The following DEAF1 variants were observed in gnomAD, a reference collection of about 807,000 sequenced individuals.
DEAF1 encodes the protein DEAF1 transcription factor.
A neutral mutation model predicts 58.9 loss-of-function variants in DEAF1; 53 were observed. That is an observed-to-expected ratio of 0.90 (90% confidence interval 0.72 to 1.13). The LOEUF is 1.13. Among genes scored for constraint, DEAF1 ranks in the 50% most tolerant of loss-of-function variants. The pLI is 0.00. For missense variants in DEAF1, 685 were observed against 791.4 expected, an observed-to-expected ratio of 0.87 and a Z score of 1.61; for synonymous variants, 385 against 340.4, an observed-to-expected ratio of 1.13 and a Z score of -1.44.
Position 688,375 on chromosome 11 carries a change from A to C in DEAF1, c.473T>G (p.Val158Gly). Reference protein sequence around the residue: ...LIVVHTDGSIVETTGLKGPAA... With the variant: ...LIVVHTDGSIGETTGLKGPAA... The stretch of plus-strand genomic sequence containing the variant: ...CGGGCCTTTCAGCCCGGTGGTCTCC[A>C]CGATGCTCCCATCTGTGTGGACGAC... Residue 158 changes from valine (V) to glycine (G), a missense_variant, in exon 3 of 12, where the codon GTG becomes GGG. Physicochemically the swap from Val to Gly is moderately radical, Grantham distance 109. Transcript: ENST00000382409. This position sits in a 1 kb window ranked among gnomAD's most constrained non-coding sequence, Gnocchi z 4.3. 1 of 1,613,928 alleles carries C rather than the reference A, an allele frequency of 6.2e-7. No individual in the cohort carries two copies. The highest frequency in any genetic ancestry group is 2.2e-5 in the East Asian group (1 of 44,886).
At chr11:681,613 T>C (rs1439387478) in intron 6 of DEAF1, among the ~76,000 whole-genome samples, 7 of 152,108 alleles carry the variant, frequency 4.6e-5, no homozygotes, top group African/African-American at 7.2e-5. Context: ...GGTTTCACCA[T>C]GGTAGCCAGG....
chr11:678,803 C>T lies in DEAF1; in HGVS notation c.1146G>A (p.Gln382=). 1.2e-6 allele frequency: 2 copies of T among 1,614,082 alleles called. No individual in the cohort carries two copies. Among genetic ancestry groups the T allele is most frequent in the Non-Finnish European group, 1.7e-6 (2 of 1,179,992 alleles). The change falls in exon 9 of 12, where the codon CAG becomes CAA. Residue 382 remains glutamine, a synonymous_variant. Transcript: ENST00000382409. ...AGATVQEASV[Q]PPCRASHPEP... ...CAGGGTGGCTGGCCCTGCATGGGGG[C>T]TGCACGCTGGCCTCTTGGACTGTTG...
At chr11:658,719 C>T (rs1389508062) in intron 10 of DEAF1, among the ~76,000 whole-genome samples, 1 of 152,394 alleles carries the variant, frequency 6.6e-6, no homozygotes, top group East Asian at 1.9e-4. Flanking sequence ...GCAGAGCACC[C>T]TGCGGGGAGT....
upstream of DEAF1, chr11:695,858 CG>C: frequency 8.1e-7 from 1 of 1,228,182 alleles, no homozygotes; most frequent in South Asian, 4.0e-5. Context: ...TGAGCTCGGG[CG>C]GGGTGGGGGC....
chr11:657,832 A>G (rs529967158), intron 10 of DEAF1, among the ~76,000 whole-genome samples: 42 of 152,290 alleles, frequency 2.8e-4, no homozygotes, highest in African/African-American at 9.9e-4. Context: ...CATGGAAGAC[A>G]AGGAAAGACT....
Position 688,437 on chromosome 11 carries a change from G to C in DEAF1, c.411C>G (p.Ile137Met). The change falls in exon 3 of 12, where the codon ATC (isoleucine) becomes ATG (methionine). Residue 137 changes from isoleucine to methionine, a missense_variant. By Grantham distance (10) the Ile-to-Met change is conservative. Coordinates refer to ENST00000382409, the MANE Select transcript of DEAF1 (RefSeq NM_021008.4). The surrounding 1 kb of genome is among the most constrained non-coding windows in gnomAD (Gnocchi z 4.3). ...HVLSGRTALQIGDSLNTEKAT... is the reference protein window; with the variant it reads ...HVLSGRTALQMGDSLNTEKAT... ...CTTTTTCGGTGTTCAGGCTGTCCCC[G>C]ATCTGAAGGGCCGTCCTACCAGACT... 6.2e-7 allele frequency: 1 copy of C among 1,613,712 alleles called. No individual in the cohort carries two copies. Among genetic ancestry groups the C allele is most frequent in the Non-Finnish European group, 8.5e-7 (1 of 1,179,986 alleles).
Position 688,594 on chromosome 11 carries a change from A to G in DEAF1, c.388-134T>C. On this transcript the variant is annotated intron_variant, in intron 2 of 11. Coordinates refer to ENST00000382409, the MANE Select transcript of DEAF1 (RefSeq NM_021008.4). This position sits in a 1 kb window ranked among gnomAD's most constrained non-coding sequence, Gnocchi z 4.3. Reference sequence around the variant, plus strand: ...GAAGGGACGCTCACCTAGGCACCCCATATCTTTTCCAAAGATACCTCTCAA... The same window carrying G: ...GAAGGGACGCTCACCTAGGCACCCCGTATCTTTTCCAAAGATACCTCTCAA... 9.6e-6 allele frequency: 10 copies of G among 1,042,048 alleles called. No homozygotes were observed. The South Asian group carries it at 1.2e-4, about 12-fold the overall frequency. 64.6% of individuals were successfully genotyped at this position (1,042,048 alleles called of 1,614,324 possible). A position where few individuals can be genotyped will look rare whatever the true frequency, so the allele number is the denominator to read the frequency against.
intron 7 of DEAF1, among the ~76,000 whole-genome samples, chr11:680,389 T>G (rs1860299510): frequency 6.6e-6 from 1 of 152,206 alleles, no homozygotes; most frequent in African/African-American, 2.4e-5. Context: ...AACAAAAGCC[T>G]ATTACAAAGA....
intron 10 of DEAF1, among the ~76,000 whole-genome samples, chr11:669,786 T>C (rs1293139693): frequency 6.6e-6 from 1 of 151,578 alleles, no homozygotes; most frequent in Non-Finnish European, 1.5e-5. Flanking sequence ...AAAAATTAGC[T>C]GGGCATGGTG....
rs1860518283 is a variant in DEAF1 at position 684,780 on chromosome 11, G to A, written c.870+118C>T. ...GCAACCCAGGAGAAGTGAGGACAGT[G>A]TCTCTCTCCAAGGCAGAGGGCAGGA... On this transcript the variant is annotated intron_variant, in intron 6 of 11. Coordinates refer to ENST00000382409, the MANE Select transcript of DEAF1 (RefSeq NM_021008.4). 9 of 859,936 alleles carry A rather than the reference G, an allele frequency of 1.0e-5. No homozygotes were observed. In the Admixed American group the frequency reaches 1.8e-4, roughly 17 times the overall value. 53.3% of individuals were successfully genotyped at this position (859,936 alleles called of 1,614,324 possible). A position where few individuals can be genotyped will look rare whatever the true frequency, so the allele number is the denominator to read the frequency against.
At chr11:661,484 T>C (rs1028449901) in intron 10 of DEAF1, among the ~76,000 whole-genome samples, 10 of 151,070 alleles carry the variant, frequency 6.6e-5, no homozygotes, top group Non-Finnish European at 1.3e-4. Context: ...CCGAGACAGG[T>C]GGATCACCGG....
intron 1 of DEAF1, chr11:700,636 A>G: frequency 6.2e-7 from 1 of 1,613,780 alleles, no homozygotes; most frequent in Non-Finnish European, 8.5e-7. Flanking sequence ...AGCTATCCTC[A>G]CCGCTACCTG....
chr11:682,887 G>T (rs974309885), intron 6 of DEAF1, among the ~76,000 whole-genome samples: 1 of 152,160 alleles, frequency 6.6e-6, no homozygotes, highest in Non-Finnish European at 1.5e-5. Context: ...GCCCCTCCCA[G>T]TGAGATACCA....
intron 1 of DEAF1, chr11:701,040 C>T: frequency 7.7e-6 from 3 of 390,478 alleles, no homozygotes; most frequent in South Asian, 7.5e-5. Flanking sequence ...GCACCCCTTT[C>T]CTTCCCCTTG....
chr11:650,836 G>A (rs75163677), intron 11 of DEAF1, among the ~76,000 whole-genome samples: 12,783 of 152,082 alleles, frequency 0.084, 659 homozygotes, highest in Admixed American at 0.18. Flanking sequence ...TATCTGTAGA[G>A]GCTGCCGTGA....
chr11:663,859 G>A (rs1347700666), intron 10 of DEAF1, among the ~76,000 whole-genome samples: 1 of 152,220 alleles, frequency 6.6e-6, no homozygotes, highest in African/African-American at 2.4e-5. Flanking sequence ...AAGCACTGTG[G>A]TCCTGTCTGC....
At chr11:671,178 T>C (rs1487281875) in intron 10 of DEAF1, among the ~76,000 whole-genome samples, 2 of 151,642 alleles carry the variant, frequency 1.3e-5, no homozygotes, top group African/African-American at 4.8e-5. Context: ...TCCGCCCGCC[T>C]CGGCCTCCCA....
chr11:679,314 C>CA (rs35318035), intron 8 of DEAF1, among the ~76,000 whole-genome samples: 38,430 of 142,666 alleles, frequency 0.27, 5,595 homozygotes, highest in Non-Finnish European at 0.33. Context: ...GACTCCACCT[C>CA]AAAAAAAAAA....
intron 10 of DEAF1, among the ~76,000 whole-genome samples, chr11:664,058 C>T (rs1162080188): frequency 6.6e-6 from 1 of 151,898 alleles, no homozygotes; most frequent in East Asian, 1.9e-4. Context: ...ACTAAAAATA[C>T]AAAAATTAGC....
Sources: gnomAD v4.1 joint callset for allele counts (sites outside exome capture counted in the v4.1 genomes callset) on GRCh38, gnomAD v4.1.1 for gene constraint, Gnocchi (gnomAD v3.1) non-coding constraint, MANE v1.5 for transcripts, NCBI Gene and HGNC (gene_info 2026-07-23, HGNC 2026-07-21) for gene names.